The following ITCH variants were observed in gnomAD, a reference collection of about 807,000 sequenced individuals.
ITCH encodes E3 ubiquitin-protein ligase Itchy homolog.
A neutral mutation model predicts 126.8 loss-of-function variants in ITCH; 28 were observed. The ratio of observed to expected loss-of-function variants is 0.22; its 90% confidence interval spans 0.16 to 0.30. The LOEUF (loss-of-function observed/expected upper bound fraction) is 0.30, where lower values mean the gene tolerates loss of function less well. ITCH is among the 10% of genes least tolerant of loss of function. The probability of loss-of-function intolerance (pLI) is 1.00; values close to 1 mark genes in which losing one functional copy is unlikely to be tolerated. For missense variants in ITCH, 631 were observed against 1,032.4 expected, an observed-to-expected ratio of 0.61 and a Z score of 5.33; for synonymous variants, 342 against 340.0, an observed-to-expected ratio of 1.01 and a Z score of -0.06.
chr20:34,495,364 G>A (rs551843850), intron 23 of ITCH, among the ~76,000 whole-genome samples: 119 of 150,302 alleles, frequency 7.9e-4, no homozygotes, highest in African/African-American at 2.6e-3. Flanking sequence ...TATAGTCATT[G>A]TATAGTGCTA....
intron 3 of ITCH, among the ~76,000 whole-genome samples, chr20:34,395,426 G>T (rs1189202038): frequency 1.3e-5 from 2 of 152,148 alleles, no homozygotes; most frequent in East Asian, 3.8e-4. Context: ...GAGGGGAGCT[G>T]CAGGGGTCAG....
rs2038914360 is a variant in ITCH at position 34,402,283 on chromosome 20, G to A, written c.71-6368G>A. 2.9e-5 allele frequency: 35 copies of A among 1,223,572 alleles called. No individual in the cohort carries two copies. In the South Asian group the frequency reaches 3.9e-4, roughly 13 times the overall value. The allele number at this position is 1,223,572 out of a possible 1,614,324, so 75.8% of individuals were successfully genotyped here. A position where few individuals can be genotyped will look rare whatever the true frequency, so the allele number is the denominator to read the frequency against. On this transcript the variant is annotated intron_variant, in intron 3 of 24. Transcript: ENST00000374864. ...ACGTACTTGACAGTCTTCAGGTCAT[G>A]GGCCAGCTTATTCAGCAGTCTCTGG... is the stretch of plus-strand genomic sequence containing the variant.
chr20:34,502,822 C>T (rs899512135), intron 23 of ITCH, among the ~76,000 whole-genome samples: 2 of 152,134 alleles, frequency 1.3e-5, no homozygotes, highest in African/African-American at 4.8e-5. Flanking sequence ...AGTTCAAGAC[C>T]AGCCTGGCCA....
chr20:34,478,807 G>A (rs1209508546), intron 17 of ITCH, among the ~76,000 whole-genome samples: 1 of 152,030 alleles, frequency 6.6e-6, no homozygotes, highest in Non-Finnish European at 1.5e-5. Flanking sequence ...ACAAATATGA[G>A]TAGAAACATG....
intron 3 of ITCH, among the ~76,000 whole-genome samples, chr20:34,404,355 C>T (rs995458477): frequency 6.6e-6 from 1 of 151,214 alleles, no homozygotes; most frequent in African/African-American, 2.4e-5. Context: ...AATAATTTCT[C>T]CTGTCCAGGT....
intron 20 of ITCH, among the ~76,000 whole-genome samples, chr20:34,484,404 G>A (rs1036046382): frequency 1.1e-4 from 16 of 151,998 alleles, no homozygotes; most frequent in Admixed American, 4.6e-4. Context: ...ATTATTTCTT[G>A]GACAACAATC....
intron 20 of ITCH, among the ~76,000 whole-genome samples, chr20:34,484,447 T>C (rs1465080022): frequency 6.6e-6 from 1 of 152,214 alleles, no homozygotes; most frequent in Non-Finnish European, 1.5e-5. Flanking sequence ...GAAATCTGCT[T>C]TTAAAATGTA....
intron 14 of ITCH, among the ~76,000 whole-genome samples, chr20:34,466,700 C>G (rs940070060): frequency 6.6e-6 from 1 of 151,932 alleles, no homozygotes; most frequent in African/African-American, 2.4e-5. Flanking sequence ...TACCATTGCT[C>G]AAAAAAGAAG....
intron 16 of ITCH, among the ~76,000 whole-genome samples, chr20:34,474,652 A>C (rs556542080): frequency 1.5e-4 from 23 of 152,326 alleles, no homozygotes; most frequent in Admixed American, 7.8e-4. Context: ...CATTGTCATC[A>C]TGGCCCGTTC....
At chr20:34,486,055 C>T (rs536089983) in intron 20 of ITCH, among the ~76,000 whole-genome samples, 1 of 152,198 alleles carries the variant, frequency 6.6e-6, no homozygotes, top group African/African-American at 2.4e-5. Context: ...TCTGAGGTTG[C>T]CCAGGTTGGA....
intron 7 of ITCH, among the ~76,000 whole-genome samples, chr20:34,425,568 C>T (rs1158499519): frequency 6.6e-6 from 1 of 152,182 alleles, no homozygotes; most frequent in Non-Finnish European, 1.5e-5. Flanking sequence ...AGGAGAAAAC[C>T]GCCCCGTGGC....
intron 7 of ITCH, among the ~76,000 whole-genome samples, chr20:34,427,965 C>T (rs1021040109): frequency 2.0e-5 from 3 of 152,242 alleles, no homozygotes; most frequent in South Asian, 2.1e-4. Context: ...TTGCTGGATC[C>T]CCTACTTAAT....
intron 14 of ITCH, among the ~76,000 whole-genome samples, chr20:34,464,297 T>G (rs1391591722): frequency 7.2e-6 from 1 of 137,946 alleles, no homozygotes; most frequent in Non-Finnish European, 1.6e-5. Context: ...CTGTTTTTTC[T>G]TTTTTTTTTT....
chr20:34,372,920 A>G (rs984468884), intron 2 of ITCH, among the ~76,000 whole-genome samples: 7 of 152,210 alleles, frequency 4.6e-5, no homozygotes, highest in Admixed American at 2.0e-4. Context: ...TTGCATTGCA[A>G]TTTAAGAAAT....
chr20:34,405,750 A>G (rs2039037127), intron 3 of ITCH, among the ~76,000 whole-genome samples: 1 of 151,860 alleles, frequency 6.6e-6, no homozygotes, highest in African/African-American at 2.4e-5. Flanking sequence ...TTGGCTCTAT[A>G]TTAAGCACTA....
At chr20:34,372,975 CTTTTT>C (rs749322692) in intron 2 of ITCH, among the ~76,000 whole-genome samples, 1 of 139,236 alleles carries the variant, frequency 7.2e-6, no homozygotes, top group Non-Finnish European at 1.6e-5. Flanking sequence ...GAATGTATTC[CTTTTT>C]TTTTTTTTTT....
chr20:34,470,013 C>T (rs1987465599), intron 14 of ITCH, 35 bp from the exon 15 acceptor site: 1 of 1,531,082 alleles, frequency 6.5e-7, no homozygotes, highest in Non-Finnish European at 9.1e-7. Flanking sequence ...TTACAAGCAG[C>T]TATATATGTC....
At chr20:34,428,822 T>G (rs564338390) in intron 7 of ITCH, among the ~76,000 whole-genome samples, 43 of 152,370 alleles carry the variant, frequency 2.8e-4, no homozygotes, top group African/African-American at 1.0e-3. Flanking sequence ...CCATAACTTA[T>G]GAACTTATTT....
At chr20:34,455,474 A>ATTTTT (rs1199707564) in intron 12 of ITCH, among the ~76,000 whole-genome samples, 1 of 139,098 alleles carries the variant, frequency 7.2e-6, no homozygotes. Context: ...TGATATCCAC[A>ATTTTT]TTTTTTTTTT....
Sources: allele counts gnomAD v4.1 joint callset (sites outside exome capture counted in the v4.1 genomes callset), GRCh38; gene constraint gnomAD v4.1.1; transcripts MANE v1.5; gene names NCBI Gene and HGNC (gene_info 2026-07-23, HGNC 2026-07-21).